Variants in CR1 observed in about 807,000 individuals in gnomAD.
CR1 encodes the protein complement C3b/C4b receptor 1 (Knops blood group).
Under a neutral mutation model 187.3 loss-of-function variants are expected in CR1, and 116 were observed. That is an observed-to-expected ratio of 0.62 (90% CI 0.53 to 0.72). The LOEUF (loss-of-function observed/expected upper bound fraction) is 0.72, where lower values mean the gene tolerates loss of function less well. Among genes scored for constraint, CR1 ranks in the 30% least tolerant of loss-of-function variants. CR1 has a pLI of 0.00. For missense variants in CR1, 1,731 were observed against 2,110.7 expected, an observed-to-expected ratio of 0.82 and a Z score of 3.52; for synonymous variants, 576 against 747.1, an observed-to-expected ratio of 0.77 and a Z score of 3.73.
chr1:207,506,618 T>G lies in CR1; in HGVS notation c.302-96T>G, dbSNP rs1168980501. ...TGTGGAACCATCAGAACTGCGTGTG[T>G]TCCTCAGTAAGCTACAGGCAGGTTG... is the stretch of plus-strand genomic sequence containing the variant. On this transcript the variant is annotated intron_variant, in intron 2 of 46. Coordinates refer to ENST00000367049, the MANE Select transcript of CR1 (RefSeq NM_000651.6). The G allele has an allele frequency of 3.1e-6, 3 of 976,396 alleles. No homozygotes were observed. In the African/African-American group the frequency reaches 4.9e-5, roughly 16 times the overall value. The allele number at this position is 976,396 out of a possible 1,614,324, so 60.5% of individuals were successfully genotyped here.
chr1:207,620,146 AGT>A lies in CR1; in HGVS notation c.7252+85_7252+86del. 5 of 1,394,486 alleles carry A rather than the reference AGT, an allele frequency of 3.6e-6. No homozygotes were observed. In the South Asian group the frequency reaches 7.0e-5, roughly 19 times the overall value. 86.4% of individuals were successfully genotyped at this position (1,394,486 alleles called of 1,614,324 possible). On this transcript the variant is annotated intron_variant, in intron 43 of 46. Coordinates refer to ENST00000367049, the MANE Select transcript of CR1 (RefSeq NM_000651.6). ...ATTCATCCATATTGGCATCAAGTGTAGTGTGATGTTTATGGCATATGCTATGA... is the reference window on the plus strand; with the variant it reads ...ATTCATCCATATTGGCATCAAGTGTAGTGATGTTTATGGCATATGCTATGA...
At chr1:207,583,917 C>T (rs1279307718) in intron 32 of CR1, among the ~76,000 whole-genome samples, 1 of 152,020 alleles carries the variant, frequency 6.6e-6, no homozygotes, top group African/African-American at 2.4e-5. Flanking sequence ...TATCCTCTTC[C>T]CAAATTCAAA....
intron 44 of CR1, 36 bp downstream of exon 44, chr1:207,622,032 C>G: frequency 6.5e-7 from 1 of 1,548,872 alleles, no homozygotes; most frequent in Non-Finnish European, 8.8e-7. Context: ...GGAATTCTGG[C>G]ATCTATAACA....
chr1:207,630,658 C>T, intron 46 of CR1, 37 bp downstream of exon 46: 2 of 1,389,178 alleles, frequency 1.4e-6, no homozygotes, highest in Non-Finnish European at 2.0e-6. Context: ...ATGTTTTCAA[C>T]AACTCAAATA....
At chr1:207,613,541 AG>A (rs1182113180) in intron 39 of CR1, among the ~76,000 whole-genome samples, 1 of 152,040 alleles carries the variant, frequency 6.6e-6, no homozygotes, top group Non-Finnish European at 1.5e-5. Flanking sequence ...TTCAGCTTGA[AG>A]GTCGGGTTTC....
chr1:207,504,580 T>G (rs1467643737), intron 1 of CR1, among the ~76,000 whole-genome samples: 1 of 152,114 alleles, frequency 6.6e-6, no homozygotes, highest in East Asian at 1.9e-4. Flanking sequence ...ACAGATTGGA[T>G]TCACTGACCT....
chr1:207,641,402 T>G lies in CR1; in HGVS notation c.*1993T>G, dbSNP rs762998989. Reference sequence around the variant, plus strand: ...TGTTACCCAGGCTGGAGTGCAGTGGTGCTATCTAGGCTTACTGCAACCTCA... The same window carrying G: ...TGTTACCCAGGCTGGAGTGCAGTGGGGCTATCTAGGCTTACTGCAACCTCA... On this transcript the variant is annotated 3_prime_UTR_variant, in exon 47 of 47. Coordinates refer to ENST00000367049, the MANE Select transcript of CR1 (RefSeq NM_000651.6). 1 of 152,112 alleles carries G rather than the reference T, an allele frequency of 6.6e-6. No homozygotes were observed. The highest frequency in any genetic ancestry group is 1.5e-5 in the Non-Finnish European group (1 of 68,020). The allele number at this position is 152,112 out of a possible 1,614,324, so 9.4% of individuals were successfully genotyped here.
intron 46 of CR1, among the ~76,000 whole-genome samples, chr1:207,637,110 C>G (rs965442561): frequency 5.9e-5 from 9 of 152,186 alleles, no homozygotes; most frequent in Non-Finnish European, 7.3e-5. Flanking sequence ...CTCCATAATT[C>G]TGGATGTTCA....
intron 4 of CR1, among the ~76,000 whole-genome samples, 156 bp downstream of exon 4, chr1:207,511,810 C>A (rs892346373): frequency 6.6e-6 from 1 of 152,186 alleles, no homozygotes; most frequent in Non-Finnish European, 1.5e-5. Flanking sequence ...GGGTTCCTGG[C>A]AACTCTTTCT....
chr1:207,576,675 A>G (rs374703359), intron 28 of CR1, among the ~76,000 whole-genome samples: 24 of 152,198 alleles, frequency 1.6e-4, no homozygotes, highest in African/African-American at 4.8e-4. Flanking sequence ...AAAACTAAAC[A>G]GGCACGGTGG....
intron 35 of CR1, among the ~76,000 whole-genome samples, chr1:207,596,532 T>G (rs574224810): frequency 6.6e-6 from 1 of 152,064 alleles, no homozygotes; most frequent in South Asian, 2.1e-4. Context: ...GAGAATCACT[T>G]GAACCCGGGA....
intron 35 of CR1, among the ~76,000 whole-genome samples, chr1:207,603,293 G>C (rs554268133): frequency 2.6e-5 from 4 of 152,240 alleles, no homozygotes; most frequent in Admixed American, 2.6e-4. Context: ...ATGTAAGAAA[G>C]ATCATGCGGT....
At chr1:207,628,759 T>C (rs1662557686) in intron 45 of CR1, among the ~76,000 whole-genome samples, 3 of 152,252 alleles carry the variant, frequency 2.0e-5, no homozygotes, top group Non-Finnish European at 4.4e-5. Flanking sequence ...TTTCTTTCAA[T>C]ATTCTTTTTC....
Position 207,526,793 on chromosome 1 carries a change from C to A in CR1, c.927C>A (p.Thr309=). 6.6e-7 allele frequency: 1 copy of A among 1,512,996 alleles called. No homozygotes were observed. Among genetic ancestry groups the A allele is most frequent in the Non-Finnish European group, 8.8e-7 (1 of 1,140,294 alleles). The allele number at this position is 1,512,996 out of a possible 1,614,324, so 93.7% of individuals were successfully genotyped here. The change falls in exon 6 of 47, where the codon ACC becomes ACA. Residue 309 remains threonine (T), a synonymous_variant. Coordinates refer to ENST00000367049, the MANE Select transcript of CR1 (RefSeq NM_000651.6). ...PPPDVLHAER[T]QRDKDNFSPG... ...CAGATGTCCTGCATGCTGAGCGTAC[C>A]CAAAGGGACAAGGACAACTTTTCAC...
At chr1:207,514,513 G>A (rs1165057500) in intron 4 of CR1, among the ~76,000 whole-genome samples, 1 of 152,066 alleles carries the variant, frequency 6.6e-6, no homozygotes, top group African/African-American at 2.4e-5. Context: ...AGCTCCTTTG[G>A]CCCTCCCACC....
At chr1:207,582,342 A>T (rs995690605) in intron 32 of CR1, among the ~76,000 whole-genome samples, 4 of 152,200 alleles carry the variant, frequency 2.6e-5, no homozygotes, top group Non-Finnish European at 5.9e-5. Flanking sequence ...TTCTTCCCTC[A>T]ATCATCCATT....
intron 35 of CR1, among the ~76,000 whole-genome samples, chr1:207,590,594 A>G (rs1405463582): frequency 2.0e-5 from 3 of 152,238 alleles, no homozygotes. Flanking sequence ...TGACAGGATC[A>G]AATTTACACA....
chr1:207,609,849 G>A (rs1661870019), intron 37 of CR1, among the ~76,000 whole-genome samples, 161 bp downstream of exon 37: 1 of 152,128 alleles, frequency 6.6e-6, no homozygotes, highest in Non-Finnish European at 1.5e-5. Context: ...TCAAAGTAAT[G>A]GCTTATTCTC....
At chr1:207,604,849 A>G (rs1302872006) in intron 35 of CR1, among the ~76,000 whole-genome samples, 3 of 152,198 alleles carry the variant, frequency 2.0e-5, no homozygotes, top group Admixed American at 1.3e-4. Flanking sequence ...GGTGGTTACC[A>G]GGCACTGAGA....
Sources: allele counts gnomAD v4.1 joint callset (sites outside exome capture counted in the v4.1 genomes callset), GRCh38; gene constraint gnomAD v4.1.1; transcripts MANE v1.5; gene names NCBI Gene and HGNC (gene_info 2026-07-23, HGNC 2026-07-21).